PTPRD: variants seen among roughly 807,000 people sequenced by gnomAD.
PTPRD encodes the protein receptor-type tyrosine-protein phosphatase delta.
A neutral mutation model predicts 214.5 loss-of-function variants in PTPRD; 34 were observed. That is an observed-to-expected ratio of 0.16 (90% CI 0.12 to 0.21). The LOEUF is 0.21. PTPRD is among the 10% of genes least tolerant of loss of function. The pLI is 1.00. For missense variants in PTPRD, 2,545 were observed against 2,398.7 expected, an observed-to-expected ratio of 1.06 and a Z score of -1.27; for synonymous variants, 1,128 against 845.7, an observed-to-expected ratio of 1.33 and a Z score of -5.79.
chr9:8,381,717 G>A (rs73416406), intron 37 of PTPRD, among the ~76,000 whole-genome samples: 3,955 of 152,192 alleles, frequency 0.026, 171 homozygotes, highest in African/African-American at 0.09. Flanking sequence ...TTGCCTACCA[G>A]TTCATTGAAC....
chr9:10,532,754 T>C (rs1414379446), intron 2 of PTPRD, among the ~76,000 whole-genome samples: 2 of 151,772 alleles, frequency 1.3e-5, no homozygotes, highest in African/African-American at 2.4e-5. Flanking sequence ...AAAGTTTTCT[T>C]TTTTGCTTTG....
chr9:9,337,848 C>T (rs1219808923), intron 9 of PTPRD, among the ~76,000 whole-genome samples: 3 of 152,194 alleles, frequency 2.0e-5, no homozygotes, highest in Non-Finnish European at 4.4e-5. Flanking sequence ...AATTACCTCA[C>T]ACTTTGTGCT....
intron 10 of PTPRD, among the ~76,000 whole-genome samples, chr9:9,028,939 G>A (rs959765626): frequency 6.6e-6 from 1 of 151,694 alleles, no homozygotes; most frequent in Non-Finnish European, 1.5e-5. Context: ...AAAATGGGGG[G>A]CATAGAGTAT....
intron 11 of PTPRD, among the ~76,000 whole-genome samples, chr9:8,971,757 A>C (rs2099239893): frequency 6.6e-6 from 1 of 151,392 alleles, no homozygotes; most frequent in South Asian, 2.1e-4. Flanking sequence ...CAAGAATTAT[A>C]TATATATTAC....
chr9:8,980,496 A>C (rs892448453), intron 11 of PTPRD, among the ~76,000 whole-genome samples: 1 of 152,112 alleles, frequency 6.6e-6, no homozygotes, highest in Non-Finnish European at 1.5e-5. Context: ...GCAAACCTTA[A>C]ATACATACAA....
At chr9:10,202,650 C>T (rs1311123139) in intron 3 of PTPRD, among the ~76,000 whole-genome samples, 1 of 113,628 alleles carries the variant, frequency 8.8e-6, no homozygotes, top group African/African-American at 3.7e-5. Flanking sequence ...CACCTGGATG[C>T]CTACTTATAA....
chr9:10,079,311 A>G (rs1172998423), intron 3 of PTPRD, among the ~76,000 whole-genome samples: 1 of 152,082 alleles, frequency 6.6e-6, no homozygotes, highest in African/African-American at 2.4e-5. Flanking sequence ...CAGATGGCAA[A>G]TTCACTGTTG....
chr9:8,812,737 C>A (rs944250379), intron 11 of PTPRD, among the ~76,000 whole-genome samples: 1 of 151,260 alleles, frequency 6.6e-6, no homozygotes, highest in Non-Finnish European at 1.5e-5. Flanking sequence ...CTCGGTGGGG[C>A]TTGAAGGCTA....
intron 8 of PTPRD, among the ~76,000 whole-genome samples, chr9:9,519,029 T>C (rs1339006743): frequency 6.6e-6 from 1 of 152,024 alleles, no homozygotes; most frequent in Non-Finnish European, 1.5e-5. Context: ...AATTACAGTA[T>C]GTTAATCTAG....
intron 2 of PTPRD, among the ~76,000 whole-genome samples, chr9:10,554,136 A>G (rs2061954117): frequency 6.6e-6 from 1 of 152,120 alleles, no homozygotes; most frequent in African/African-American, 2.4e-5. Flanking sequence ...TAATGATGAG[A>G]CCTTTTAGTG....
At chr9:10,004,209 A>T (rs1227928996) in intron 4 of PTPRD, among the ~76,000 whole-genome samples, 27 of 151,902 alleles carry the variant, frequency 1.8e-4, no homozygotes. Flanking sequence ...TTTAGGTTGT[A>T]TATATTGGGT....
chr9:10,199,945 C>A (rs1050651961), intron 3 of PTPRD, among the ~76,000 whole-genome samples: 1 of 151,554 alleles, frequency 6.6e-6, no homozygotes, highest in Non-Finnish European at 1.5e-5. Context: ...ATCCTTCATA[C>A]TGAGGAAATA....
chr9:8,831,734 T>A (rs559642763), intron 11 of PTPRD, among the ~76,000 whole-genome samples: 1 of 152,190 alleles, frequency 6.6e-6, no homozygotes, highest in South Asian at 2.1e-4. Context: ...ATTCTGAAAA[T>A]TCTCTGCTAT....
At chr9:10,378,415 A>G (rs2154481359) in intron 2 of PTPRD, among the ~76,000 whole-genome samples, 1 of 152,132 alleles carries the variant, frequency 6.6e-6, no homozygotes, top group South Asian at 2.1e-4. Context: ...GTTTTCCACA[A>G]TGTTTAATTG....
At chr9:10,281,319 A>T (rs1427269212) in intron 3 of PTPRD, among the ~76,000 whole-genome samples, 1 of 149,236 alleles carries the variant, frequency 6.7e-6, no homozygotes, top group Non-Finnish European at 1.5e-5. Context: ...CAGTTGTATC[A>T]TTTGCTACAT....
At chr9:9,917,856 C>T (rs953275790) in intron 5 of PTPRD, among the ~76,000 whole-genome samples, 7 of 151,948 alleles carry the variant, frequency 4.6e-5, no homozygotes, top group Admixed American at 2.0e-4. Context: ...TCAATACATA[C>T]ATTTGACACT....
intron 9 of PTPRD, among the ~76,000 whole-genome samples, chr9:9,219,418 TA>T (rs33960598): frequency 0.63 from 94,453 of 150,582 alleles, 29,587 homozygotes; most frequent in African/African-American, 0.66. Context: ...CTTATTAAAT[TA>T]AAAAAAAAAA....
At chr9:10,435,789 C>G (rs759515924) in intron 2 of PTPRD, among the ~76,000 whole-genome samples, 2 of 151,762 alleles carry the variant, frequency 1.3e-5, no homozygotes, top group Non-Finnish European at 2.9e-5. Flanking sequence ...ACAGACAAGA[C>G]AAAGGAAGAA....
chr9:9,075,044 A>G (rs1388396521), intron 10 of PTPRD, among the ~76,000 whole-genome samples: 3 of 152,106 alleles, frequency 2.0e-5, no homozygotes, highest in Non-Finnish European at 2.9e-5. Flanking sequence ...AAAAGAGAAG[A>G]AAACAAAAAT....
Sources: gnomAD v4.1 joint callset for allele counts (sites outside exome capture counted in the v4.1 genomes callset) on GRCh38, gnomAD v4.1.1 for gene constraint, MANE v1.5 for transcripts, NCBI Gene and HGNC (gene_info 2026-07-23, HGNC 2026-07-21) for gene names.